Variants in SLC44A5 observed in about 807,000 individuals in gnomAD.
SLC44A5 encodes the protein solute carrier family 44 member 5, also known as choline transporter-like protein 5.
In SLC44A5, 57 loss-of-function variants were observed where a neutral mutation model predicts 101.8. The observed-to-expected ratio is 0.56, with a 90% CI of 0.45 to 0.70. SLC44A5 has a LOEUF of 0.70. SLC44A5 is among the 30% of genes least tolerant of loss of function. The pLI is 0.00. For missense variants in SLC44A5, 737 were observed against 853.1 expected (o/e 0.86, Z 1.70); for synonymous variants, 281 against 290.9 (o/e 0.97, Z 0.35).
chr1:75,477,846 G>C (rs1051121829), intron 2 of SLC44A5, among the ~76,000 whole-genome samples: 3 of 152,078 alleles, frequency 2.0e-5, no homozygotes, highest in South Asian at 4.1e-4. Flanking sequence ...TTATCCAGGA[G>C]AACTTCCCCA....
intron 2 of SLC44A5, among the ~76,000 whole-genome samples, chr1:75,410,032 C>T (rs1359217646): frequency 6.6e-6 from 1 of 152,142 alleles, no homozygotes; most frequent in Non-Finnish European, 1.5e-5. Flanking sequence ...TTAACCTATT[C>T]TTATTCCAAT....
At chr1:75,361,428 C>T (rs1268167141) in intron 3 of SLC44A5, among the ~76,000 whole-genome samples, 1 of 152,022 alleles carries the variant, frequency 6.6e-6, no homozygotes, top group African/African-American at 2.4e-5. Context: ...CTGTTGAAAA[C>T]TTCACAGTAT....
intron 3 of SLC44A5, among the ~76,000 whole-genome samples, chr1:75,367,415 C>T (rs1335830767): frequency 6.6e-6 from 1 of 152,190 alleles, no homozygotes; most frequent in Non-Finnish European, 1.5e-5. Flanking sequence ...GGATCATATG[C>T]TTCAGGATCC....
the SLC44A5 span, among the ~76,000 whole-genome samples, chr1:75,665,933 A>T: frequency 1.1e-3 from 168 of 152,298 alleles, no homozygotes; most frequent in African/African-American, 3.8e-3. Flanking sequence ...ATCTCATACC[A>T]GTCAGAATGG....
chr1:75,461,127 G>A (rs188473068), intron 2 of SLC44A5, among the ~76,000 whole-genome samples: 1 of 152,200 alleles, frequency 6.6e-6, no homozygotes, highest in Admixed American at 6.5e-5. Flanking sequence ...TTACAAGAAT[G>A]TTTACAAAGA....
intron 9 of SLC44A5, among the ~76,000 whole-genome samples, chr1:75,240,736 C>T (rs917762964): frequency 6.6e-6 from 1 of 151,946 alleles, no homozygotes; most frequent in South Asian, 2.1e-4. Flanking sequence ...TGACTGTCTA[C>T]TCAAACTAAT....
chr1:75,436,764 G>A (rs1443914552), intron 2 of SLC44A5, among the ~76,000 whole-genome samples: 2 of 152,004 alleles, frequency 1.3e-5, no homozygotes, highest in Non-Finnish European at 2.9e-5. Context: ...GTAACATTTA[G>A]CTTAAAACAA....
chr1:75,434,885 G>T (rs1664800934), intron 2 of SLC44A5, among the ~76,000 whole-genome samples: 1 of 152,032 alleles, frequency 6.6e-6, no homozygotes, highest in African/African-American at 2.4e-5. Context: ...AGGAGTAATT[G>T]CTTCCCTCTC....
chr1:75,220,057 A>T (rs888015343), intron 14 of SLC44A5, among the ~76,000 whole-genome samples, 165 bp from the exon 15 acceptor site: 1 of 152,136 alleles, frequency 6.6e-6, no homozygotes, highest in Non-Finnish European at 1.5e-5. Context: ...TACTTTTTTT[A>T]AAAGTACGTT....
chr1:75,418,860 G>T lies in SLC44A5; in HGVS notation c.14-22239C>A, dbSNP rs149807574. Among the ~76,000 whole-genome samples the T allele has an allele frequency of 5.9e-5, 9 of 152,208 alleles. No individual in the cohort carries two copies. In the East Asian group the frequency reaches 1.7e-3, roughly 29 times the overall value. On this transcript the variant is annotated intron_variant, in intron 2 of 23. Transcript: ENST00000370859. The stretch of plus-strand genomic sequence containing the variant: ...TGCTTCTAACTGTGAAGAATTAATT[G>T]CTGTCCTGCTATAAATAACTAGAAA...
At chr1:75,607,687 T>C (rs1056276404) in intron 1 of SLC44A5, among the ~76,000 whole-genome samples, 3 of 151,982 alleles carry the variant, frequency 2.0e-5, no homozygotes, top group Admixed American at 1.3e-4. Flanking sequence ...GTTTTCATGA[T>C]AGTAAGTCTC....
chr1:75,677,307 TATA>T, the SLC44A5 span, among the ~76,000 whole-genome samples: 2 of 152,148 alleles, frequency 1.3e-5, no homozygotes, highest in African/African-American at 2.4e-5. Flanking sequence ...ACATAGATAG[TATA>T]ATAAGATAAA....
the SLC44A5 span, among the ~76,000 whole-genome samples, chr1:75,718,377 C>T: frequency 6.6e-6 from 1 of 152,092 alleles, no homozygotes. Context: ...ATAGCAAAGG[C>T]CTGTGAGCAC....
At chr1:75,267,145 T>C (rs1229250508) in intron 6 of SLC44A5, among the ~76,000 whole-genome samples, 5 of 152,154 alleles carry the variant, frequency 3.3e-5, no homozygotes, top group South Asian at 2.1e-4. Context: ...CTCAACAACA[T>C]GAAAGTGCTT....
At chr1:75,625,916 A>G in the SLC44A5 span, among the ~76,000 whole-genome samples, 1 of 152,074 alleles carries the variant, frequency 6.6e-6, no homozygotes, top group Admixed American at 6.6e-5. Context: ...CAGTTTGTAG[A>G]TATGGTGGCA....
In SLC44A5 at chr1:75,215,854, G is replaced by C; in HGVS notation, c.1628C>G (p.Thr543Ser). 1 of 1,537,886 alleles carries C rather than the reference G, an allele frequency of 6.5e-7. No individual in the cohort carries two copies. Among genetic ancestry groups the C allele is most frequent in the Non-Finnish European group, 9.0e-7 (1 of 1,113,614 alleles). Residue 543 changes from threonine (T) to serine (S), a missense_variant, in exon 19 of 24, where the codon ACC (threonine) becomes AGC (serine). Coordinates refer to ENST00000370859, the MANE Select transcript of SLC44A5 (RefSeq NM_001130058.2). Reference protein sequence around the residue: ...LEYLDHRLKRTQNTLSKFLQC... With the variant: ...LEYLDHRLKRSQNTLSKFLQC... ...TAGGAATTTAGACAATGTGTTCTGGGTACCTATGAGAAGGAGATATTTAAA... is the reference window on the plus strand; with the variant it reads ...TAGGAATTTAGACAATGTGTTCTGGCTACCTATGAGAAGGAGATATTTAAA...
rs1027735963 is a variant in SLC44A5 at position 75,202,348 on chromosome 1, T to C, written c.*1379A>G. ...GTATCTAAAGTCACATTTAAACAAA[T>C]GTGATAATATTTTATAAACTGATAG... On this transcript the variant is annotated 3_prime_UTR_variant, in exon 24 of 24. Transcript: ENST00000370859. 6.6e-6 allele frequency: 1 copy of C among 152,152 alleles called. No individual in the cohort carries two copies. The highest frequency in any genetic ancestry group is 6.5e-5 in the Admixed American group (1 of 15,278). The allele number at this position is 152,152 out of a possible 1,614,324, so 9.4% of individuals were successfully genotyped here.
At chr1:75,454,404 A>G (rs145023500) in intron 2 of SLC44A5, among the ~76,000 whole-genome samples, 91 of 152,202 alleles carry the variant, frequency 6.0e-4, no homozygotes, top group African/African-American at 2.1e-3. Context: ...ATATCTCAAA[A>G]TAATAAGAGC....
chr1:75,719,489 T>C, the SLC44A5 span, among the ~76,000 whole-genome samples: 1 of 152,206 alleles, frequency 6.6e-6, no homozygotes, highest in African/African-American at 2.4e-5. Context: ...TCTTAGATTC[T>C]AGCCCTGACC....
Sources: allele counts gnomAD v4.1 joint callset (sites outside exome capture counted in the v4.1 genomes callset), GRCh38; gene constraint gnomAD v4.1.1; transcripts MANE v1.5; gene names NCBI Gene and HGNC (gene_info 2026-07-23, HGNC 2026-07-21).